The following DSCAML1 variants were observed in gnomAD, a reference collection of about 807,000 sequenced individuals.
DSCAML1 encodes the protein DS cell adhesion molecule like 1.
In DSCAML1, 38 loss-of-function variants were observed where a neutral mutation model predicts 200.5. The ratio of observed to expected loss-of-function variants is 0.19; its 90% CI spans 0.15 to 0.25. The LOEUF (loss-of-function observed/expected upper bound fraction) is 0.25, where lower values mean the gene tolerates loss of function less well. Ranked by LOEUF, DSCAML1 falls within the 10% of genes least tolerant of loss-of-function variation. DSCAML1 has a pLI of 1.00. For missense variants in DSCAML1, 2,223 were observed against 2,858.8 expected (o/e 0.78, Z 5.07); for synonymous variants, 1,215 against 1,165.0 (o/e 1.04, Z -0.87).
chr11:117,616,821 A>G (rs1034716212), intron 3 of DSCAML1, among the ~76,000 whole-genome samples: 2 of 152,258 alleles, frequency 1.3e-5, no homozygotes, highest in African/African-American at 4.8e-5. Context: ...TAAAATAAAC[A>G]TTAAAAATGT....
At chr11:117,527,476 C>A (rs1189474725) in intron 4 of DSCAML1, among the ~76,000 whole-genome samples, 1 of 152,204 alleles carries the variant, frequency 6.6e-6, no homozygotes, top group East Asian at 1.9e-4. Context: ...GGCACTCAGG[C>A]ATGGGCAGGC....
intron 3 of DSCAML1, among the ~76,000 whole-genome samples, chr11:117,681,721 C>T (rs141587834): frequency 2.5e-4 from 38 of 152,264 alleles, no homozygotes; most frequent in African/African-American, 8.9e-4. Flanking sequence ...ATGGGAATGG[C>T]ATTAGTGGAT....
intron 3 of DSCAML1, among the ~76,000 whole-genome samples, chr11:117,578,710 G>A (rs528568311): frequency 2.7e-4 from 41 of 152,056 alleles, no homozygotes; most frequent in Non-Finnish European, 5.7e-4. Context: ...AAATGTTGGT[G>A]TGCCCCAAGG....
chr11:117,772,110 C>A (rs1157118986), intron 3 of DSCAML1, among the ~76,000 whole-genome samples: 2 of 152,058 alleles, frequency 1.3e-5, no homozygotes, highest in Non-Finnish European at 2.9e-5. Context: ...GTGTAAGGGA[C>A]AAAAGAGGGG....
At chr11:117,793,670 G>A (rs531172838) in intron 1 of DSCAML1, among the ~76,000 whole-genome samples, 2 of 152,276 alleles carry the variant, frequency 1.3e-5, no homozygotes, top group African/African-American at 4.8e-5. Context: ...CCAAAGCCCT[G>A]TCTGCTTGCT....
At chr11:117,724,436 C>T (rs1218300368) in intron 3 of DSCAML1, among the ~76,000 whole-genome samples, 1 of 152,220 alleles carries the variant, frequency 6.6e-6, no homozygotes, top group African/African-American at 2.4e-5. Context: ...AGGAGGCACC[C>T]TGCCTGGAGC....
intron 3 of DSCAML1, among the ~76,000 whole-genome samples, chr11:117,687,691 A>G (rs1322423764): frequency 1.3e-5 from 2 of 152,180 alleles, no homozygotes; most frequent in East Asian, 1.9e-4. Flanking sequence ...GAAGGTTAAT[A>G]TTAGCATTCT....
chr11:117,770,712 G>A (rs2055022756), intron 3 of DSCAML1, among the ~76,000 whole-genome samples: 1 of 151,982 alleles, frequency 6.6e-6, no homozygotes, highest in Non-Finnish European at 1.5e-5. Flanking sequence ...TTAGCGTCTT[G>A]AGCAAGGAAC....
chr11:117,792,995 G>A (rs1236136987), intron 1 of DSCAML1, among the ~76,000 whole-genome samples: 1 of 152,218 alleles, frequency 6.6e-6, no homozygotes, highest in African/African-American at 2.4e-5. Context: ...GTAGGAGACA[G>A]AAGCATTACC....
chr11:117,435,842 C>T, intron 26 of DSCAML1, 43 bp from the exon 27 acceptor site: 1 of 1,577,950 alleles, frequency 6.3e-7, no homozygotes, highest in East Asian at 2.3e-5. Flanking sequence ...CCTTATGAGC[C>T]AGGTGCTGTG....
chr11:117,697,645 G>A (rs2137735910), intron 3 of DSCAML1, among the ~76,000 whole-genome samples: 1 of 152,078 alleles, frequency 6.6e-6, no homozygotes, highest in South Asian at 2.1e-4. Flanking sequence ...TCTGTCTCTA[G>A]GAATTTGAGT....
intron 8 of DSCAML1, among the ~76,000 whole-genome samples, chr11:117,508,944 T>C (rs1053255039): frequency 4.6e-5 from 7 of 152,082 alleles, no homozygotes; most frequent in African/African-American, 1.2e-4. Context: ...ATTTAGATAA[T>C]GGAGCAAGTT....
intron 1 of DSCAML1, among the ~76,000 whole-genome samples, chr11:117,807,581 T>C (rs1258583172): frequency 6.6e-6 from 1 of 152,206 alleles, no homozygotes; most frequent in Non-Finnish European, 1.5e-5. Flanking sequence ...CCCTGCAGCG[T>C]GGCTGTGAAT....
In DSCAML1 at chr11:117,779,529, A is replaced by T. The variant is rs141717877; in HGVS notation, c.364+964T>A. Among the ~76,000 whole-genome samples the T allele has an allele frequency of 2.1e-3, 321 of 152,302 alleles. 2 individuals are homozygous for T. The highest frequency in any genetic ancestry group is 7.5e-3 in the African/African-American group (310 of 41,566). ...CTCATGAGATATGTCATCCTCAGAC[A>T]TCCCCTCAGCAGTAGAATGGACAAA... On this transcript the variant is annotated intron_variant, in intron 2 of 32. Transcript: ENST00000651296.
At chr11:117,513,921 G>C (rs1334535980) in intron 8 of DSCAML1, among the ~76,000 whole-genome samples, 1 of 152,108 alleles carries the variant, frequency 6.6e-6, no homozygotes. Flanking sequence ...CAGGAGCTGG[G>C]GGAGAAGTCT....
rs1043284427 is a variant in DSCAML1, at chr11:117,458,666, C to T, written c.3568+88G>A. ...TGAAGGCCAGGAGAAAGGACAGTACCCTGCTCTCACCCTGCCTCCTGGGGT... is the reference window on the plus strand; with the variant it reads ...TGAAGGCCAGGAGAAAGGACAGTACTCTGCTCTCACCCTGCCTCCTGGGGT... On this transcript the variant is annotated intron_variant, in intron 19 of 32. Coordinates refer to ENST00000651296, the MANE Select transcript of DSCAML1 (RefSeq NM_020693.4). The T allele has an allele frequency of 4.6e-6, 7 of 1,516,542 alleles. No individual in the cohort carries two copies. In the African/African-American group the frequency reaches 8.2e-5, roughly 18 times the overall value. The allele number at this position is 1,516,542 out of a possible 1,614,324, so 93.9% of individuals were successfully genotyped here. A position where few individuals can be genotyped will look rare whatever the true frequency, so the allele number is the denominator to read the frequency against.
At chr11:117,432,249 T>C in intron 30 of DSCAML1, 103 bp downstream of exon 30, 1 of 1,321,792 alleles carries the variant, frequency 7.6e-7, no homozygotes, top group Non-Finnish European at 1.0e-6. Context: ...TCTATTCCAT[T>C]AAGCTCCCTC....
chr11:117,787,224 CCTCAAGGGTTGTT>C (rs1247591871), intron 1 of DSCAML1, among the ~76,000 whole-genome samples: 2 of 152,184 alleles, frequency 1.3e-5, no homozygotes, highest in Non-Finnish European at 2.9e-5. Flanking sequence ...ACAATGTCTA[CCTCAAGGGTTGTT>C]ATGGTTGGAC....
chr11:117,668,200 T>C (rs2053020091), intron 3 of DSCAML1, among the ~76,000 whole-genome samples: 1 of 152,248 alleles, frequency 6.6e-6, no homozygotes, highest in Non-Finnish European at 1.5e-5. Flanking sequence ...GAGACAGATG[T>C]GGTCTCTGTC....
Sources: gnomAD v4.1 joint callset for allele counts (sites outside exome capture counted in the v4.1 genomes callset) on GRCh38, gnomAD v4.1.1 for gene constraint, MANE v1.5 for transcripts, NCBI Gene and HGNC (gene_info 2026-07-23, HGNC 2026-07-21) for gene names.